The following PPP1R12C variants were observed in gnomAD, a reference collection of about 807,000 sequenced individuals.
PPP1R12C encodes the protein leukocyte receptor cluster (LRC) encoded novel gene 3.
PPP1R12C carries 48 observed loss-of-function variants against 95.6 expected under a neutral mutation model. The observed-to-expected ratio is 0.50, with a 90% CI of 0.40 to 0.64. The LOEUF (loss-of-function observed/expected upper bound fraction) is 0.64, where lower values mean the gene tolerates loss of function less well. PPP1R12C is among the 30% of genes least tolerant of loss of function. PPP1R12C has a pLI of 0.00. For missense variants in PPP1R12C, 1,057 were observed against 1,083.3 expected (o/e 0.98, Z 0.34); for synonymous variants, 480 against 460.8 (o/e 1.04, Z -0.53).
intron 1 of PPP1R12C, 107 bp downstream of exon 1, chr19:55,117,116 A>T: frequency 9.9e-7 from 1 of 1,005,092 alleles, no homozygotes; most frequent in Non-Finnish European, 1.2e-6. Flanking sequence ...GCCCAGGGCC[A>T]GGAACGACGG....
intron 1 of PPP1R12C, chr19:55,113,651 AC>A (rs564546235): frequency 8.2e-7 from 1 of 1,212,690 alleles, no homozygotes; most frequent in Non-Finnish European, 1.0e-6. Context: ...GGGATAAATT[AC>A]CCCCCAAGTC....
chr19:55,092,777 C>T lies in PPP1R12C; in HGVS notation c.1911+6G>A, dbSNP rs1283069593. Reference sequence around the variant, plus strand: ...GCACCAGCTCGGCCCCACCTGAGCCCCTCACCTCCGCAGGCCCCCTCCACT... The same window carrying T: ...GCACCAGCTCGGCCCCACCTGAGCCTCTCACCTCCGCAGGCCCCCTCCACT... On this transcript the variant is annotated splice_donor_region_variant and intron_variant, in intron 16 of 21. Transcript: ENST00000263433. The T allele has an allele frequency of 6.4e-7, 1 of 1,552,734 alleles. No homozygotes were observed. The highest frequency in any genetic ancestry group is 2.0e-5 in the Admixed American group (1 of 51,126).
intron 6 of PPP1R12C, among the ~76,000 whole-genome samples, chr19:55,097,404 G>T (rs528347953): frequency 2.7e-5 from 3 of 111,260 alleles, no homozygotes; most frequent in African/African-American, 1.1e-4. Context: ...GTTCACCACC[G>T]TCTTCACCCC....
At chr19:55,092,418 C>T (rs1273502863) in intron 18 of PPP1R12C, 24 bp downstream of exon 18, 3 of 1,587,876 alleles carry the variant, frequency 1.9e-6, no homozygotes, top group African/African-American at 1.3e-5. Flanking sequence ...CAGGCAAAGC[C>T]CCGACGGAGG....
At chr19:55,111,716 C>T (rs142869344) in intron 3 of PPP1R12C, 3 of 152,216 alleles carry the variant, frequency 2.0e-5, no homozygotes, top group African/African-American at 7.2e-5. Flanking sequence ...TCCACACGGT[C>T]CCCTGGAGTC....
chr19:55,095,883 C>T lies in PPP1R12C; in HGVS notation c.1211G>A (p.Ser404Asn). The T allele has an allele frequency of 1.2e-6, 2 of 1,613,750 alleles. No individual in the cohort carries two copies. Among genetic ancestry groups the T allele is most frequent in the Non-Finnish European group, 1.7e-6 (2 of 1,179,958 alleles). ...TCCACTCACCACGGGACTCTTAGGG[C>T]TGGGGTGCGGCGGGGAGGAGACGCC... ...LNGVSSPPHPSPKSPVQLEEA... is the reference protein window; with the variant it reads ...LNGVSSPPHPNPKSPVQLEEA... The change falls in exon 9 of 22, where the codon AGC (serine) becomes AAC (asparagine). Residue 404 changes from serine (S) to asparagine (N), a missense_variant. Ser to Asn is a conservative substitution (Grantham distance 46, BLOSUM62 1). Transcript: ENST00000263433.
rs2084889259 is a variant in PPP1R12C, at chr19:55,094,674, G to A, written c.1579C>T (p.Arg527Trp). The A allele has an allele frequency of 2.5e-6, 4 of 1,598,826 alleles. No homozygotes were observed. Among genetic ancestry groups the A allele is most frequent in the African/African-American group, 1.3e-5 (1 of 74,618 alleles). Residue 527 changes from arginine to tryptophan, a missense_variant, in exon 12 of 22, where the codon CGG becomes TGG. Physicochemically the swap from Arg to Trp is moderately radical, Grantham distance 101 (BLOSUM62 -3). Transcript: ENST00000263433. Reference sequence around the variant, plus strand: ...TGGCCTCTTCACCTCCGTCGGTCCCGGGAGTCCGCTGGGGGCGCCGTGGAG... The same window carrying A: ...TGGCCTCTTCACCTCCGTCGGTCCCAGGAGTCCGCTGGGGGCGCCGTGGAG... ...TASTAPPADS[R>W]DRRRSYQMPV...
At chr19:55,095,703 A>G (rs767846142) in intron 9 of PPP1R12C, 100 bp from the exon 10 acceptor site, 6 of 1,505,800 alleles carry the variant, frequency 4.0e-6, no homozygotes, top group African/African-American at 1.4e-5. Context: ...AATTCCCATC[A>G]GCCCCCGGGG....
chr19:55,099,242 C>T (rs764608288), intron 4 of PPP1R12C, 147 bp from the exon 5 acceptor site: 15 of 931,320 alleles, frequency 1.6e-5, no homozygotes, highest in Middle Eastern at 3.4e-4. Flanking sequence ...GCCCAGCATC[C>T]GCTGCCACAA....
rs748794982 is a variant in PPP1R12C at position 55,098,952 on chromosome 19, G to A, written c.875C>T (p.Ala292Val). 18 of 1,580,264 alleles carry A rather than the reference G, an allele frequency of 1.1e-5. No homozygotes were observed. Among genetic ancestry groups the A allele is most frequent in the East Asian group, 2.3e-5 (1 of 43,056 alleles). Residue 292 changes from alanine to valine, a missense_variant and splice_region_variant, in exon 5 of 22, where the codon GCG (alanine) becomes GTG (valine). Transcript: ENST00000263433. Reference protein sequence around the residue: ...HGGGMDSLTHAGQRPCDLADE... With the variant: ...HGGGMDSLTHVGQRPCDLADE... ...ACCAGCCTGGGCACTGGCCCTCACC[G>A]CATGGGTCAGTGAGTCCATGCCCCC...
chr19:55,107,837 T>TAC (rs2147204494), intron 3 of PPP1R12C, among the ~76,000 whole-genome samples: 1 of 150,594 alleles, frequency 6.6e-6, no homozygotes, highest in Admixed American at 6.6e-5. Context: ...GAACTTAAAG[T>TAC]ATAAATTAAA....
chr19:55,095,575 C>T lies in PPP1R12C; in HGVS notation c.1256G>A (p.Arg419His), dbSNP rs368299707. 32 of 1,577,500 alleles carry T rather than the reference C, an allele frequency of 2.0e-5. No homozygotes were observed. Among genetic ancestry groups the T allele is most frequent in the Non-Finnish European group, 2.3e-5 (27 of 1,165,658 alleles). The change falls in exon 10 of 22, where the codon CGC becomes CAC. Residue 419 changes from arginine to histidine, a missense_variant. Arg to His is a conservative substitution (Grantham distance 29). Transcript: ENST00000263433. ...VQLEEAPFSR[R>H]FGLLKTGSSG... ...ACTCCCTGTCTTCAGGAGGCCAAAGCGCCTGGAGAAGGGGGCCTCTTCAAG... is the reference window on the plus strand; with the variant it reads ...ACTCCCTGTCTTCAGGAGGCCAAAGTGCCTGGAGAAGGGGGCCTCTTCAAG...
chr19:55,103,295 T>C lies in PPP1R12C; in HGVS notation c.731+114A>G, dbSNP rs146026709. 281 of 1,080,282 alleles carry C rather than the reference T, an allele frequency of 2.6e-4. 1 individual carries two copies. In the African/African-American group the frequency reaches 4.2e-3, roughly 16 times the overall value. The allele number at this position is 1,080,282 out of a possible 1,614,324, so 66.9% of individuals were successfully genotyped here. On this transcript the variant is annotated intron_variant, in intron 4 of 21. Coordinates refer to ENST00000263433, the MANE Select transcript of PPP1R12C (RefSeq NM_017607.4). The stretch of plus-strand genomic sequence containing the variant: ...CAAAACTTGTGGGTACAGCTAAGGC[T>C]GTATTTAGAGGGAAATACATAGCCT...
chr19:55,098,937 G>A lies in PPP1R12C; in HGVS notation c.876+14C>T. The A allele has an allele frequency of 2.5e-6, 4 of 1,593,458 alleles. No individual in the cohort carries two copies. Among genetic ancestry groups the A allele is most frequent in the Non-Finnish European group, 3.4e-6 (4 of 1,169,878 alleles). On this transcript the variant is annotated intron_variant, in intron 5 of 21. Transcript: ENST00000263433. ...CACGCCCTGCCCCTCACCAGCCTGG[G>A]CACTGGCCCTCACCGCATGGGTCAG...
chr19:55,106,342 CA>C (rs1365656376), intron 3 of PPP1R12C, among the ~76,000 whole-genome samples: 1 of 152,210 alleles, frequency 6.6e-6, no homozygotes, highest in Non-Finnish European at 1.5e-5. Flanking sequence ...TCGGGCTGCC[CA>C]GGAGTGGAAC....
chr19:55,112,853 T>G, intron 1 of PPP1R12C, 58 bp from the exon 2 acceptor site: 3 of 1,601,560 alleles, frequency 1.9e-6, no homozygotes, highest in Non-Finnish European at 2.5e-6. Context: ...TCCCAGCAAG[T>G]CGGGACTCCA....
rs2085149017 is a variant in PPP1R12C, at chr19:55,115,961, G to A, written c.321+1262C>T. On this transcript the variant is annotated intron_variant, in intron 1 of 21. Coordinates refer to ENST00000263433, the MANE Select transcript of PPP1R12C (RefSeq NM_017607.4). Reference sequence around the variant, plus strand: ...CTGAGCTCTCGGACCCCTGGAAGATGCCATGACAGGGGGCTGGAAGAGCTA... The same window carrying A: ...CTGAGCTCTCGGACCCCTGGAAGATACCATGACAGGGGGCTGGAAGAGCTA... Among the ~76,000 whole-genome samples the A allele has an allele frequency of 2.0e-5, 3 of 152,196 alleles. No individual in the cohort carries two copies. In the South Asian group the frequency reaches 6.2e-4, roughly 32 times the overall value.
At position 55,095,569 on chromosome 19, in the gene PPP1R12C, C is replaced by T. The variant is rs561720084; in HGVS notation, c.1262G>A (p.Gly421Asp). 893 of 1,581,898 alleles carry T rather than the reference C, an allele frequency of 5.6e-4. 1 individual carries two copies. Among genetic ancestry groups the T allele is most frequent in the Non-Finnish European group, 6.8e-4 (796 of 1,167,190 alleles). The change falls in exon 10 of 22, where the codon GGC (glycine) becomes GAC (aspartate). Residue 421 changes from glycine (G) to aspartate (D), a missense_variant. Around this residue, in one of 5 missense-constraint regions of PPP1R12C, gnomAD observed 356 missense variants for 330.5 expected, o/e 1.08. Coordinates refer to ENST00000263433, the MANE Select transcript of PPP1R12C (RefSeq NM_017607.4). ...LEEAPFSRRF[G>D]LLKTGSSGAL... ...ACCAGAACTCCCTGTCTTCAGGAGGCCAAAGCGCCTGGAGAAGGGGGCCTC... is the reference window on the plus strand; with the variant it reads ...ACCAGAACTCCCTGTCTTCAGGAGGTCAAAGCGCCTGGAGAAGGGGGCCTC...
intron 6 of PPP1R12C, among the ~76,000 whole-genome samples, chr19:55,098,507 G>C (rs1229389093): frequency 6.6e-6 from 1 of 152,240 alleles, no homozygotes; most frequent in East Asian, 1.9e-4. Flanking sequence ...GATGAGGTGT[G>C]CTAAGCAACC....
Sources: allele counts gnomAD v4.1 joint callset (sites outside exome capture counted in the v4.1 genomes callset), GRCh38; gene constraint gnomAD v4.1.1; regional missense constraint gnomAD v4.1.1; transcripts MANE v1.5; gene names NCBI Gene and HGNC (gene_info 2026-07-23, HGNC 2026-07-21).